Variants in AKAP13 observed in about 807,000 individuals in gnomAD.
The protein encoded by AKAP13 is A-kinase anchoring protein 13.
A neutral mutation model predicts 264.5 loss-of-function variants in AKAP13; 80 were observed. The observed-to-expected ratio is 0.30, with a 90% CI of 0.25 to 0.36. AKAP13 has a LOEUF of 0.36. Ranked by LOEUF, AKAP13 falls within the 10% of genes least tolerant of loss-of-function variation. The probability of loss-of-function intolerance (pLI) is 1.00; values close to 1 mark genes in which losing one functional copy is unlikely to be tolerated. For missense variants in AKAP13, 3,712 were observed against 3,435.2 expected (o/e 1.08, Z -2.01); for synonymous variants, 1,380 against 1,250.2 (o/e 1.10, Z -2.19).
intron 14 of AKAP13, among the ~76,000 whole-genome samples, chr15:85,673,690 T>C (rs1208651569): frequency 1.1e-5 from 1 of 94,900 alleles, no homozygotes. Flanking sequence ...TTTTTTTTTT[T>C]TTGGGGAGAC....
intron 1 of AKAP13, among the ~76,000 whole-genome samples, chr15:85,457,485 A>G (rs1328046227): frequency 6.6e-6 from 1 of 152,206 alleles, no homozygotes; most frequent in Non-Finnish European, 1.5e-5. Flanking sequence ...AGCAGTGTAC[A>G]GAATTGGAGC....
chr15:85,726,087 T>C (rs1331952203), intron 26 of AKAP13: 1 of 203,542 alleles, frequency 4.9e-6, no homozygotes, highest in African/African-American at 2.3e-5. Context: ...GTCCAGCTTT[T>C]CAGCTTTATT....
chr15:85,667,633 G>A (rs2083677691), intron 13 of AKAP13, among the ~76,000 whole-genome samples: 1 of 152,190 alleles, frequency 6.6e-6, no homozygotes, highest in African/African-American at 2.4e-5. Context: ...CATAGGCCAA[G>A]ACTGACATAT....
chr15:85,730,560 A>G lies in AKAP13; in HGVS notation c.7135A>G (p.Lys2379Glu). The G allele has an allele frequency of 6.2e-7, 1 of 1,614,144 alleles. No homozygotes were observed. Among genetic ancestry groups the G allele is most frequent in the Non-Finnish European group, 8.5e-7 (1 of 1,180,008 alleles). Residue 2379 changes from lysine to glutamate, a missense_variant, in exon 30 of 37, where the codon AAG becomes GAG. Physicochemically the swap from Lys to Glu is moderately conservative, Grantham distance 56. Transcript: ENST00000394518. ...DQKILLLLEE[K>E]EMIFRDMAEC... is the part of the protein sequence containing the mutation. ...AAAAATCCTACTCTTGTTGGAAGAG[A>G]AGGAGATGATTTTCCGGGACATGGC...
At chr15:85,678,994 C>T (rs935766979) in intron 14 of AKAP13, among the ~76,000 whole-genome samples, 1 of 151,948 alleles carries the variant, frequency 6.6e-6, no homozygotes, top group Non-Finnish European at 1.5e-5. Context: ...AATCCCAGCA[C>T]TTTTGGGAGA....
intron 14 of AKAP13, among the ~76,000 whole-genome samples, chr15:85,679,737 C>G (rs1035478288): frequency 2.0e-5 from 3 of 152,124 alleles, no homozygotes; most frequent in Non-Finnish European, 4.4e-5. Flanking sequence ...TTATTTCATG[C>G]CTTGAAAGAT....
At chr15:85,415,165 T>G in intron 1 of AKAP13, 1 of 940,100 alleles carries the variant, frequency 1.1e-6, no homozygotes, top group South Asian at 1.4e-5. Flanking sequence ...AAATGAGATG[T>G]GACAGCACGC....
chr15:85,728,904 TG>T (rs1375856725), intron 29 of AKAP13, among the ~76,000 whole-genome samples: 1 of 151,866 alleles, frequency 6.6e-6, no homozygotes, highest in East Asian at 1.9e-4. Flanking sequence ...CTTGAGGGAA[TG>T]GGAAGCCACT....
intron 1 of AKAP13, among the ~76,000 whole-genome samples, chr15:85,390,092 A>G (rs1356826239): frequency 2.0e-5 from 3 of 152,240 alleles, no homozygotes; most frequent in African/African-American, 4.8e-5. Flanking sequence ...GTTATATGAC[A>G]TACCTTGTAG....
chr15:85,487,993 G>A (rs1242525370), intron 2 of AKAP13, among the ~76,000 whole-genome samples: 1 of 152,230 alleles, frequency 6.6e-6, no homozygotes, highest in Non-Finnish European at 1.5e-5. Context: ...GATCTCCCAG[G>A]CTCAAATGCT....
At chr15:85,738,436 G>A (rs1162951899) in intron 33 of AKAP13, among the ~76,000 whole-genome samples, 4 of 151,992 alleles carry the variant, frequency 2.6e-5, no homozygotes, top group Admixed American at 2.6e-4. Context: ...TCTCAGAAGA[G>A]CTAAGCCTGG....
At chr15:85,533,497 G>A (rs547849002) in intron 3 of AKAP13, 87 bp from the exon 4 acceptor site, 130 of 1,282,472 alleles carry the variant, frequency 1.0e-4, no homozygotes, top group African/African-American at 5.4e-4. Context: ...TTTGTATGTC[G>A]TGAAATAAGA....
intron 5 of AKAP13, among the ~76,000 whole-genome samples, chr15:85,563,803 C>T (rs2078502533): frequency 2.0e-5 from 3 of 152,174 alleles, no homozygotes; most frequent in African/African-American, 4.8e-5. Context: ...ATTTACTATC[C>T]TCATTAATTT....
At chr15:85,643,760 A>G (rs1305848119) in intron 9 of AKAP13, among the ~76,000 whole-genome samples, 3 of 152,344 alleles carry the variant, frequency 2.0e-5, no homozygotes, top group Non-Finnish European at 2.9e-5. Context: ...CTGGAACAGT[A>G]CAGAGGGAAT....
intron 1 of AKAP13, among the ~76,000 whole-genome samples, chr15:85,412,516 G>C (rs866584277): frequency 1.2e-4 from 18 of 152,210 alleles, no homozygotes; most frequent in Admixed American, 2.0e-4. Context: ...TTTCATAAAA[G>C]TATGTTTATT....
rs2079137993 is a variant in AKAP13 at position 85,581,234 on chromosome 15, G to C, written c.3166G>C (p.Ala1056Pro). ...GCCAGATGGGTCTGATGGGTCCGATGCTCTTAACTGCAGTCAGCCTTCTCC... is the reference window on the plus strand; with the variant it reads ...GCCAGATGGGTCTGATGGGTCCGATCCTCTTAACTGCAGTCAGCCTTCTCC... Reference protein sequence around the residue: ...LLPDGSDGSDALNCSQPSPLD... With the variant: ...LLPDGSDGSDPLNCSQPSPLD... Residue 1056 changes from alanine (A) to proline (P), a missense_variant, in exon 7 of 37, where the codon GCT (alanine) becomes CCT (proline). Coordinates refer to ENST00000394518, the MANE Select transcript of AKAP13 (RefSeq NM_007200.5). 6.2e-7 allele frequency: 1 copy of C among 1,614,184 alleles called. No homozygotes were observed. Among genetic ancestry groups the C allele is most frequent in the African/African-American group, 1.3e-5 (1 of 75,064 alleles).
chr15:85,525,974 C>G (rs6496049), intron 3 of AKAP13, among the ~76,000 whole-genome samples: 79,480 of 152,006 alleles, frequency 0.52, 21,222 homozygotes, highest in Middle Eastern at 0.62. Context: ...AAAATGAAAT[C>G]TATTTTCAGC....
intron 1 of AKAP13, among the ~76,000 whole-genome samples, chr15:85,438,201 T>A (rs1232710786): frequency 7.1e-6 from 1 of 141,694 alleles, no homozygotes; most frequent in Non-Finnish European, 1.5e-5. Flanking sequence ...AAATCATGAG[T>A]GAACTCCCAT....
At chr15:85,569,353 A>AG (rs1223928143) in intron 5 of AKAP13, among the ~76,000 whole-genome samples, 1 of 152,098 alleles carries the variant, frequency 6.6e-6, no homozygotes, top group Admixed American at 6.5e-5. Flanking sequence ...GAGGAAGAGG[A>AG]GCCAGGGAAA....
Sources: gnomAD v4.1 joint callset for allele counts (sites outside exome capture counted in the v4.1 genomes callset) on GRCh38, gnomAD v4.1.1 for gene constraint, MANE v1.5 for transcripts, NCBI Gene and HGNC (gene_info 2026-07-23, HGNC 2026-07-21) for gene names.